The following IL1RAPL1 variants were observed in gnomAD, a reference collection of about 807,000 sequenced individuals.
IL1RAPL1 encodes interleukin-1 receptor accessory protein-like 1.
IL1RAPL1 carries 3 observed loss-of-function variants against 48.4 expected under a neutral mutation model. The ratio of observed to expected loss-of-function variants is 0.06; its 90% confidence interval spans 0.03 to 0.16. The LOEUF (loss-of-function observed/expected upper bound fraction) is 0.16. Ranked by LOEUF, IL1RAPL1 falls within the 10% of genes least tolerant of loss-of-function variation. IL1RAPL1 has a pLI of 1.00. For missense variants in IL1RAPL1, 349 were observed against 530.6 expected (o/e 0.66, Z 3.36); for synonymous variants, 185 against 187.7 (o/e 0.99, Z 0.12).
intron 2 of IL1RAPL1, among the ~76,000 whole-genome samples, chrX:29,259,002 CTAACCTCA>C (rs1931804536): frequency 9.0e-6 from 1 of 111,254 alleles, no homozygotes; most frequent in African/African-American, 3.3e-5. Flanking sequence ...CTCCCCAACT[CTAACCTCA>C]TAAGTTTCAC....
chrX:29,123,747 G>A (rs1195865300), intron 2 of IL1RAPL1, among the ~76,000 whole-genome samples: 1 of 111,574 alleles, frequency 9.0e-6, no homozygotes, highest in African/African-American at 3.3e-5. Context: ...GTAGCCACTG[G>A]CCCCATGTGG....
intron 2 of IL1RAPL1, among the ~76,000 whole-genome samples, chrX:29,150,751 G>A (rs1192208998): frequency 3.7e-5 from 4 of 108,772 alleles, no homozygotes; most frequent in Non-Finnish European, 3.8e-5. Flanking sequence ...GTGAAACCCC[G>A]TCTCTACTAA....
At chrX:29,567,673 T>C (rs1226896278) in intron 5 of IL1RAPL1, among the ~76,000 whole-genome samples, 2 of 111,821 alleles carry the variant, frequency 1.8e-5, no homozygotes, top group Non-Finnish European at 3.8e-5. Context: ...CAGTATGCAG[T>C]AATTGGAAGC....
At chrX:29,023,055 A>T in intron 2 of IL1RAPL1, among the ~76,000 whole-genome samples, 1 of 112,132 alleles carries the variant, frequency 8.9e-6, no homozygotes, top group Non-Finnish European at 1.9e-5. Context: ...TAAGCTTTTC[A>T]CTTCATGCCA....
chrX:29,273,820 C>T (rs1358167156), intron 2 of IL1RAPL1, among the ~76,000 whole-genome samples: 1 of 109,175 alleles, frequency 9.2e-6, no homozygotes, highest in African/African-American at 3.3e-5. Context: ...TGCGTGTATT[C>T]GCACTGGCAG....
intron 1 of IL1RAPL1, among the ~76,000 whole-genome samples, chrX:28,757,407 A>C (rs1936117916): frequency 1.8e-5 from 2 of 112,660 alleles, no homozygotes; most frequent in African/African-American, 3.2e-5. Context: ...ATTTATTTCC[A>C]GCCTGTGCTC....
intron 3 of IL1RAPL1, among the ~76,000 whole-genome samples, chrX:29,378,363 G>A (rs1933650388): frequency 9.0e-6 from 1 of 111,250 alleles, no homozygotes; most frequent in Non-Finnish European, 1.9e-5. Context: ...TGAATTTTAT[G>A]TCTGTCATTT....
At chrX:29,021,944 C>A (rs915911055) in intron 2 of IL1RAPL1, among the ~76,000 whole-genome samples, 1 of 111,848 alleles carries the variant, frequency 8.9e-6, no homozygotes, top group Non-Finnish European at 1.9e-5. Context: ...CAGTCATCTC[C>A]TTATTATTAT....
chrX:29,588,648 T>C (rs1217248872), intron 5 of IL1RAPL1, among the ~76,000 whole-genome samples: 1 of 111,773 alleles, frequency 8.9e-6, no homozygotes. Flanking sequence ...GAGAGAGTTC[T>C]AAGAAGTGAA....
At position 29,370,126 on chromosome X, in the gene IL1RAPL1, A is replaced by G. The variant is rs777961560; in HGVS notation, c.363-26132A>G. On this transcript the variant is annotated intron_variant, in intron 3 of 10. Coordinates refer to ENST00000378993, the MANE Select transcript of IL1RAPL1 (RefSeq NM_014271.4). ...TTTCCTTTTAGAGTGTCAAAATACAATTTTTCTCTGTTTTACCTTGTGTGT... is the reference window on the plus strand; with the variant it reads ...TTTCCTTTTAGAGTGTCAAAATACAGTTTTTCTCTGTTTTACCTTGTGTGT... Among the ~76,000 whole-genome samples, 10 of 111,183 alleles carry G rather than the reference A, an allele frequency of 9.0e-5. No homozygotes were observed. The South Asian group carries it at 3.4e-3, about 37-fold the overall frequency.
At chrX:29,371,320 C>T (rs1933542414) in intron 3 of IL1RAPL1, among the ~76,000 whole-genome samples, 1 of 109,349 alleles carries the variant, frequency 9.1e-6, no homozygotes, top group Admixed American at 9.8e-5. Flanking sequence ...TTAGTAGAGA[C>T]GGGATTTCAC....
intron 6 of IL1RAPL1, among the ~76,000 whole-genome samples, chrX:29,686,069 A>G (rs1926608556): frequency 8.9e-6 from 1 of 111,987 alleles, no homozygotes; most frequent in African/African-American, 3.2e-5. Flanking sequence ...CTTAAAAAAT[A>G]TAAGTATTGA....
Position 28,726,288 on chromosome X carries a change from T to C in IL1RAPL1, c.-24-63032T>C, listed in dbSNP as rs778630140. ...CATTCTTCACATATTGATATTATGT[T>C]CAAGAAATCAATAGGGATAAGGGGG... On this transcript the variant is annotated intron_variant, in intron 1 of 10. Transcript: ENST00000378993. Among the ~76,000 whole-genome samples the C allele has an allele frequency of 8.9e-5, 10 of 112,264 alleles. 1 individual carries two copies. The highest frequency in any genetic ancestry group is 1.9e-4 in the Non-Finnish European group (10 of 53,252).
intron 2 of IL1RAPL1, among the ~76,000 whole-genome samples, chrX:29,122,475 A>G (rs1159361817): frequency 1.9e-4 from 4 of 21,396 alleles, no homozygotes; most frequent in Non-Finnish European, 2.5e-4. Context: ...CACCCCACCC[A>G]CACACACTTC....
intron 3 of IL1RAPL1, among the ~76,000 whole-genome samples, chrX:29,393,148 T>A (rs951306271): frequency 1.1e-5 from 1 of 89,114 alleles, no homozygotes; most frequent in African/African-American, 3.9e-5. Context: ...TTTTTTGAGA[T>A]GGAGTCTCGC....
chrX:29,064,200 T>G (rs1343745489), intron 2 of IL1RAPL1, among the ~76,000 whole-genome samples: 2 of 112,289 alleles, frequency 1.8e-5, no homozygotes, highest in African/African-American at 6.5e-5. Context: ...AGAGGAGGAT[T>G]GAGCAAGAGG....
intron 6 of IL1RAPL1, among the ~76,000 whole-genome samples, chrX:29,906,460 AATATATAT>A (rs1164023016): frequency 2.6e-3 from 78 of 29,823 alleles, no homozygotes; most frequent in East Asian, 3.3e-3. Flanking sequence ...TAACTTTGTA[AATATATAT>A]ATATATATAT....
At chrX:29,842,480 G>A (rs1931155503) in intron 6 of IL1RAPL1, among the ~76,000 whole-genome samples, 1 of 112,038 alleles carries the variant, frequency 8.9e-6, no homozygotes, top group Admixed American at 9.5e-5. Flanking sequence ...AGTGTTTCTG[G>A]GACTATTTGG....
chrX:28,922,144 A>G (rs187470035), intron 2 of IL1RAPL1, among the ~76,000 whole-genome samples: 1 of 111,677 alleles, frequency 9.0e-6, no homozygotes, highest in East Asian at 2.8e-4. Flanking sequence ...TTTCTTGTAC[A>G]AGTAGTTTGA....
Sources: gnomAD v4.1 joint callset for allele counts (sites outside exome capture counted in the v4.1 genomes callset) on GRCh38, gnomAD v4.1.1 for gene constraint, MANE v1.5 for transcripts, NCBI Gene and HGNC (gene_info 2026-07-23, HGNC 2026-07-21) for gene names.